FLT1: variants seen among roughly 807,000 people sequenced by gnomAD.
FLT1 encodes the protein fms related receptor tyrosine kinase 1.
Under a neutral mutation model 156.3 loss-of-function variants are expected in FLT1, and 49 were observed. That is an observed-to-expected ratio of 0.31 (90% CI 0.25 to 0.40). The LOEUF (loss-of-function observed/expected upper bound fraction) is 0.40, where lower values mean the gene tolerates loss of function less well. Among genes scored for constraint, FLT1 ranks in the 10% least tolerant of loss-of-function variants. The pLI, the probability that FLT1 is intolerant of heterozygous loss-of-function variation, is 1.00. For synonymous variants in FLT1, 594 were observed against 583.8 expected (o/e 1.02, Z -0.25); for missense variants, 1,322 against 1,637.2 (o/e 0.81, Z 3.32).
chr13:28,388,616 T>TC, intron 13 of FLT1: 1 of 1,056,680 alleles, frequency 9.5e-7, no homozygotes, highest in Non-Finnish European at 1.1e-6. Context: ...GGTGTGTATT[T>TC]TTTAAATTAC....
chr13:28,314,636 T>G (rs1235705702), intron 25 of FLT1, among the ~76,000 whole-genome samples: 1 of 152,168 alleles, frequency 6.6e-6, no homozygotes. Context: ...TAGGCCAAGT[T>G]CAGATCACAG....
intron 3 of FLT1, among the ~76,000 whole-genome samples, chr13:28,444,772 G>C (rs1400686330): frequency 6.6e-6 from 1 of 152,028 alleles, no homozygotes; most frequent in East Asian, 1.9e-4. Context: ...ATAATCAATG[G>C]GTCAAAGAAG....
chr13:28,428,004 G>T, intron 8 of FLT1, 83 bp from the exon 9 acceptor site: 1 of 1,251,380 alleles, frequency 8.0e-7, no homozygotes, highest in Non-Finnish European at 1.2e-6. Context: ...AAGTTTTTGA[G>T]CTCAAGTTGA....
intron 14 of FLT1, among the ~76,000 whole-genome samples, chr13:28,358,986 T>A (rs1430875432): frequency 6.6e-6 from 1 of 152,102 alleles, no homozygotes; most frequent in Admixed American, 6.6e-5. Flanking sequence ...TAAACAGGAA[T>A]TGAGTACTTG....
At chr13:28,325,080 G>A (rs891290372) in intron 20 of FLT1, among the ~76,000 whole-genome samples, 1 of 152,108 alleles carries the variant, frequency 6.6e-6, no homozygotes, top group African/African-American at 2.4e-5. Flanking sequence ...ATGAAAGACA[G>A]CCATGGATTT....
At chr13:28,332,670 G>A (rs769401670) in intron 18 of FLT1, among the ~76,000 whole-genome samples, 19 of 152,162 alleles carry the variant, frequency 1.2e-4, no homozygotes, top group Non-Finnish European at 2.4e-4. Context: ...CCTTACTTAC[G>A]CTGAGCAGCT....
chr13:28,368,504 G>C lies in FLT1; in HGVS notation c.2117-10819C>G. On this transcript the variant is annotated intron_variant, in intron 14 of 29. Transcript: ENST00000282397. Reference sequence around the variant, plus strand: ...TCTCCAACTAAAGGATAAGTTCTTTGAAGTTGACACATAATAGTTTTCAAT... The same window carrying C: ...TCTCCAACTAAAGGATAAGTTCTTTCAAGTTGACACATAATAGTTTTCAAT... 2 of 1,536,462 alleles carry C rather than the reference G, an allele frequency of 1.3e-6. 1 individual carries two copies. Among genetic ancestry groups the C allele is most frequent in the South Asian group, 2.4e-5 (2 of 82,420 alleles).
intron 12 of FLT1, among the ~76,000 whole-genome samples, chr13:28,395,766 T>C (rs1272592894): frequency 6.6e-6 from 1 of 152,208 alleles, no homozygotes; most frequent in African/African-American, 2.4e-5. Context: ...TCCTTGGTGT[T>C]AGAAACCTGT....
rs950372702 is a variant in FLT1 at position 28,301,072 on chromosome 13, T to A, written c.*2095A>T. 2 of 232,594 alleles carry A rather than the reference T, an allele frequency of 8.6e-6. No homozygotes were observed. The highest frequency in any genetic ancestry group is 1.7e-5 in the Non-Finnish European group (2 of 117,800). The allele number at this position is 232,594 out of a possible 1,614,324, so 14.4% of individuals were successfully genotyped here. A position where few individuals can be genotyped will look rare whatever the true frequency, so the allele number is the denominator to read the frequency against. On this transcript the variant is annotated 3_prime_UTR_variant, in exon 30 of 30. Transcript: ENST00000282397. ...CTTTTCTCTTGAAAAGGAGTATTTATTATGGTCTCTTAATGATTAAGAATT... is the reference window on the plus strand; with the variant it reads ...CTTTTCTCTTGAAAAGGAGTATTTAATATGGTCTCTTAATGATTAAGAATT...
At chr13:28,409,433 C>T (rs12864204) in intron 10 of FLT1, among the ~76,000 whole-genome samples, 63,489 of 151,290 alleles carry the variant, frequency 0.42, 15,155 homozygotes, top group Middle Eastern at 0.6. Context: ...CTCCTGGGCT[C>T]AACTGACCCT....
chr13:28,308,961 GA>G (rs2138810023), intron 27 of FLT1, 34 bp from the exon 28 acceptor site: 2 of 1,318,242 alleles, frequency 1.5e-6, no homozygotes, highest in South Asian at 1.2e-5. Flanking sequence ...ATCAAGACAG[GA>G]AAAGGCATCC....
At chr13:28,435,485 C>A (rs1050055475) in intron 4 of FLT1, among the ~76,000 whole-genome samples, 30 of 152,108 alleles carry the variant, frequency 2.0e-4, no homozygotes, top group African/African-American at 7.0e-4. Flanking sequence ...ATTCCTTATT[C>A]CCAGTTGAAA....
At chr13:28,488,572 G>A (rs959141960) in intron 1 of FLT1, among the ~76,000 whole-genome samples, 4 of 152,164 alleles carry the variant, frequency 2.6e-5, no homozygotes, top group Non-Finnish European at 5.9e-5. Flanking sequence ...CTGGACCTCG[G>A]AGCACACAGA....
intron 12 of FLT1, among the ~76,000 whole-genome samples, chr13:28,393,269 TG>T (rs1429230934): frequency 2.0e-5 from 3 of 152,086 alleles, no homozygotes; most frequent in African/African-American, 7.2e-5. Context: ...GGTGCATACT[TG>T]GGGGTAGATA....
intron 15 of FLT1, among the ~76,000 whole-genome samples, chr13:28,351,483 G>T (rs1219527489): frequency 1.3e-5 from 2 of 152,150 alleles, no homozygotes; most frequent in Non-Finnish European, 2.9e-5. Flanking sequence ...AACCCAGTCA[G>T]CATAATCCAG....
intron 11 of FLT1, among the ~76,000 whole-genome samples, chr13:28,401,555 T>A (rs1320620447): frequency 3.9e-5 from 6 of 152,214 alleles, no homozygotes; most frequent in African/African-American, 1.4e-4. Flanking sequence ...CCAGCACTCG[T>A]TTTTTAAACA....
At chr13:28,334,166 G>T in intron 17 of FLT1, 37 bp from the exon 18 acceptor site, 4 of 1,340,682 alleles carry the variant, frequency 3.0e-6, no homozygotes, top group Non-Finnish European at 4.3e-6. Context: ...GTTTGCCGAG[G>T]CAATAGGGTG....
chr13:28,469,993 A>T (rs923404331), intron 1 of FLT1, among the ~76,000 whole-genome samples: 2 of 152,156 alleles, frequency 1.3e-5, no homozygotes, highest in African/African-American at 4.8e-5. Context: ...ACCTCAGGTG[A>T]TCCACCTGCC....
chr13:28,303,194 C>A lies in FLT1; in HGVS notation c.3990G>T (p.Val1330=), dbSNP rs115088573. 6.2e-6 allele frequency: 10 copies of A among 1,612,062 alleles called. No individual in the cohort carries two copies. The East Asian group carries it at 2.2e-4, about 36-fold the overall frequency. ...AGATGGGTGGGGTGGAGTACAGGAC[C>A]ACCGAGTTGTAGTCTGGGGGCGGGG... is the stretch of plus-strand genomic sequence containing the variant. ...CCSPPPDYNS[V]VLYSTPPI is the part of the protein sequence containing the mutation. Residue 1330 remains valine, a synonymous_variant, in exon 30 of 30, where the codon GTG becomes GTT. Coordinates refer to ENST00000282397, the MANE Select transcript of FLT1 (RefSeq NM_002019.4).
Sources: allele counts gnomAD v4.1 joint callset (sites outside exome capture counted in the v4.1 genomes callset), GRCh38; gene constraint gnomAD v4.1.1; transcripts MANE v1.5; gene names NCBI Gene and HGNC (gene_info 2026-07-23, HGNC 2026-07-21).